The following RIN2 variants were observed in gnomAD, a reference collection of about 807,000 sequenced individuals.
The protein encoded by RIN2 is Ras and Rab interactor 2.
In RIN2, 36 loss-of-function variants were observed where a neutral mutation model predicts 78.0. The ratio of observed to expected loss-of-function variants is 0.46; its 90% CI spans 0.35 to 0.61. The LOEUF is 0.61. Ranked by LOEUF, RIN2 falls within the 20% of genes least tolerant of loss-of-function variation. The pLI is 0.00. For missense variants in RIN2, 1,087 were observed against 1,159.7 expected (o/e 0.94, Z 0.91); for synonymous variants, 466 against 466.8 (o/e 1.00, Z 0.02).
chr20:19,778,320 A>G (rs759738599), intron 1 of RIN2, among the ~76,000 whole-genome samples: 32 of 152,350 alleles, frequency 2.1e-4, no homozygotes, highest in Middle Eastern at 3.4e-3. Flanking sequence ...ACAGAAGGAG[A>G]CACTAAATCC....
rs536556165 is a variant in RIN2 at position 19,974,810 on chromosome 20, G to A, written c.785G>A (p.Cys262Tyr). ...IKTRTPSELECSQTNGALCFI... is the reference protein window; with the variant it reads ...IKTRTPSELEYSQTNGALCFI... ...ACCAGGACGCCTTCAGAGCTGGAGT[G>A]CAGCCAGACCAACGGGGCCCTGTGC... Residue 262 changes from cysteine to tyrosine, a missense_variant, in exon 9 of 13, where the codon TGC (cysteine) becomes TAC (tyrosine). By Grantham distance (194) the Cys-to-Tyr change is radical. Coordinates refer to ENST00000255006, the MANE Select transcript of RIN2 (RefSeq NM_018993.4). The A allele has an allele frequency of 2.9e-5, 47 of 1,613,990 alleles. No individual in the cohort carries two copies. In the South Asian group the frequency reaches 5.1e-4, roughly 17 times the overall value.
intron 1 of RIN2, among the ~76,000 whole-genome samples, chr20:19,789,171 C>T (rs536094051): frequency 2.4e-4 from 36 of 152,150 alleles, no homozygotes; most frequent in African/African-American, 8.0e-4. Context: ...GGTGTGGAGG[C>T]GGGAGAAGAG....
At chr20:19,838,201 G>A (rs2123058151) in intron 2 of RIN2, among the ~76,000 whole-genome samples, 1 of 152,242 alleles carries the variant, frequency 6.6e-6, no homozygotes, top group East Asian at 1.9e-4. Context: ...GTAAGTCTAA[G>A]ATCAGTCATA....
At chr20:19,887,204 T>G (rs563959221) in intron 2 of RIN2, among the ~76,000 whole-genome samples, 86 of 151,904 alleles carry the variant, frequency 5.7e-4, no homozygotes, top group African/African-American at 2.1e-3. Context: ...TTTAATTTTT[T>G]TTAGAGACAG....
Position 19,975,592 on chromosome 20 carries a change from C to A in RIN2, c.1567C>A (p.Arg523=). ...GGTCCGCAGGATCGCCGAGCTTTCC[C>A]GGGACAAATGCACCTACTTCGGGTG... The part of the protein sequence containing the change: ...RMVRRIAELS[R]DKCTYFGCLV... Residue 523 remains arginine (R), a synonymous_variant, in exon 9 of 13, where the codon CGG becomes AGG. Coordinates refer to ENST00000255006, the MANE Select transcript of RIN2 (RefSeq NM_018993.4). The surrounding 1 kb of genome is among the most constrained non-coding windows in gnomAD (Gnocchi z 4.9). The A allele has an allele frequency of 6.2e-7, 1 of 1,613,982 alleles. No homozygotes were observed.
At chr20:19,764,918 G>GTTTTTTTTTTTCTTTTTTTTTTTTTT (rs2033807887) in intron 1 of RIN2, among the ~76,000 whole-genome samples, 1 of 50,362 alleles carries the variant, frequency 2.0e-5, no homozygotes, top group East Asian at 8.7e-4. Flanking sequence ...CACTTTCTGC[G>GTTTTTTTTTTTCTTTTTTTTTTTTTT]TTTTTTTTTT....
intron 12 of RIN2, among the ~76,000 whole-genome samples, chr20:19,998,377 G>T (rs765797473): frequency 1.3e-5 from 2 of 151,982 alleles, no homozygotes; most frequent in African/African-American, 4.8e-5. Context: ...CAGGAAGATC[G>T]CTTGAGGCCA....
At chr20:19,963,230 TTCTGTGTG>T (rs1305954615) in intron 6 of RIN2, among the ~76,000 whole-genome samples, 1 of 152,110 alleles carries the variant, frequency 6.6e-6, no homozygotes, top group African/African-American at 2.4e-5. Context: ...TGTTTGTTGT[TTCTGTGTG>T]TCTGTGTGTG....
intron 2 of RIN2, among the ~76,000 whole-genome samples, chr20:19,816,582 C>T (rs1050627438): frequency 2.6e-5 from 4 of 152,168 alleles, no homozygotes; most frequent in South Asian, 2.1e-4. Context: ...GGGCTTTTTA[C>T]GTGTCTGTTA....
At position 19,996,856 on chromosome 20, in the gene RIN2, C is replaced by G. The variant is rs779800805; in HGVS notation, c.2364+14C>G. The G allele has an allele frequency of 6.4e-6, 10 of 1,565,296 alleles. No homozygotes were observed. The African/African-American group carries it at 1.4e-4, about 21-fold the overall frequency. On this transcript the variant is annotated intron_variant, in intron 12 of 12. Coordinates refer to ENST00000255006, the MANE Select transcript of RIN2 (RefSeq NM_018993.4). ...GACGACTTCCAGGTGTGCAGCTGGC[C>G]ACCCCTTTGCTTCCTTCGTCCTCCA...
upstream of RIN2, chr20:19,757,803 C>G (rs373257828): frequency 3.9e-5 from 6 of 152,496 alleles, no homozygotes; most frequent in Non-Finnish European, 7.3e-5. Flanking sequence ...CTGGTCCTCG[C>G]CTGGCCGGGG....
intron 2 of RIN2, among the ~76,000 whole-genome samples, chr20:19,818,980 C>T (rs1725205969): frequency 6.6e-6 from 1 of 152,182 alleles, no homozygotes. Context: ...GTAAAATGTA[C>T]ATCTCAGGAC....
At chr20:19,868,271 G>A (rs545182654) in intron 2 of RIN2, among the ~76,000 whole-genome samples, 7 of 152,334 alleles carry the variant, frequency 4.6e-5, no homozygotes, top group Admixed American at 3.3e-4. Flanking sequence ...GCAGCGTCTC[G>A]GAGAAAAACA....
chr20:19,991,044 A>G (rs139511623), intron 10 of RIN2, among the ~76,000 whole-genome samples: 29 of 152,308 alleles, frequency 1.9e-4, no homozygotes, highest in South Asian at 8.3e-4. Flanking sequence ...CCAGGTCTTC[A>G]GTAAGCTTAT....
intron 1 of RIN2, among the ~76,000 whole-genome samples, chr20:19,788,545 TG>T (rs2034782457): frequency 6.8e-6 from 1 of 146,918 alleles, no homozygotes; most frequent in South Asian, 2.1e-4. Context: ...GAGGTTGCAG[TG>T]GGCTGGGATG....
chr20:19,897,916 G>T (rs569716592), intron 3 of RIN2, among the ~76,000 whole-genome samples: 1 of 152,062 alleles, frequency 6.6e-6, no homozygotes, highest in South Asian at 2.1e-4. Context: ...GTCTCACTTC[G>T]TTGCCCCGTC....
chr20:19,915,916 C>G (rs1451173492), intron 3 of RIN2, among the ~76,000 whole-genome samples: 2 of 152,226 alleles, frequency 1.3e-5, no homozygotes, highest in African/African-American at 4.8e-5. Flanking sequence ...TGAACCCTTA[C>G]TCCATTCTTT....
intron 4 of RIN2, among the ~76,000 whole-genome samples, chr20:19,936,583 G>A (rs577090446): frequency 1.9e-4 from 29 of 152,242 alleles, no homozygotes; most frequent in Non-Finnish European, 3.4e-4. Flanking sequence ...ACAGAGCGGC[G>A]GAAACCTTTC....
intron 2 of RIN2, among the ~76,000 whole-genome samples, chr20:19,854,318 C>A (rs150098984): frequency 6.6e-6 from 1 of 152,244 alleles, no homozygotes; most frequent in Non-Finnish European, 1.5e-5. Context: ...TAGTGTGATG[C>A]CTCCAGCTTT....
Sources: gnomAD v4.1 joint callset for allele counts (sites outside exome capture counted in the v4.1 genomes callset) on GRCh38, gnomAD v4.1.1 for gene constraint, Gnocchi (gnomAD v3.1) non-coding constraint, MANE v1.5 for transcripts, NCBI Gene and HGNC (gene_info 2026-07-23, HGNC 2026-07-21) for gene names.